Variants in ARHGEF1 observed in about 807,000 individuals in gnomAD.
ARHGEF1 encodes 115 kDa guanine nucleotide exchange factor.
In ARHGEF1, 40 loss-of-function variants were observed where a neutral mutation model predicts 119.7. The ratio of observed to expected loss-of-function variants is 0.33; its 90% CI spans 0.26 to 0.44. ARHGEF1 has a LOEUF of 0.44. Among genes scored for constraint, ARHGEF1 ranks in the 20% least tolerant of loss-of-function variants. ARHGEF1 has a pLI of 1.00. For synonymous variants in ARHGEF1, 494 were observed against 521.0 expected (o/e 0.95, Z 0.71); for missense variants, 976 against 1,268.3 (o/e 0.77, Z 3.50).
chr19:41,922,813 A>G (rs536454119), upstream of ARHGEF1, among the ~76,000 whole-genome samples: 2 of 152,316 alleles, frequency 1.3e-5, no homozygotes, highest in South Asian at 4.1e-4. Context: ...AGAGCAATAA[A>G]TTATTGTGAC....
chr19:41,915,959 G>A (rs1245142166), intron 18 of ARHGEF1, among the ~76,000 whole-genome samples: 7 of 151,976 alleles, frequency 4.6e-5, no homozygotes, highest in African/African-American at 1.7e-4. Context: ...CGGCCGGCGT[G>A]GTGCGGATGG....
Position 41,892,751 on chromosome 19 carries a change from G to A in ARHGEF1, c.516G>A (p.Leu172=), listed in dbSNP as rs1599637506. 3.7e-6 allele frequency: 6 copies of A among 1,609,786 alleles called. No homozygotes were observed. Among genetic ancestry groups the A allele is most frequent in the Non-Finnish European group, 4.2e-6 (5 of 1,178,534 alleles). Residue 172 remains leucine (L), a synonymous_variant, in exon 7 of 29, where the codon CTG becomes CTA. Transcript: ENST00000354532. This position sits in a 1 kb window ranked among gnomAD's most constrained non-coding sequence, Gnocchi z 6.3. ...LMGMTPWEQE[L]AQLEAWVGRD... The stretch of plus-strand genomic sequence containing the variant: ...GCATGACGCCCTGGGAGCAGGAGCT[G>A]GCCCAGCTGGAGGCTTGGGTTGGGC...
chr19:41,906,930 G>A lies in ARHGEF1; in HGVS notation c.*17+127G>A, dbSNP rs1262138242. The A allele has an allele frequency of 5.2e-6, 5 of 954,134 alleles. No individual in the cohort carries two copies. The South Asian group carries it at 7.0e-5, about 13-fold the overall frequency. The allele number at this position is 954,134 out of a possible 1,614,324, so 59.1% of individuals were successfully genotyped here. A position where few individuals can be genotyped will look rare whatever the true frequency, so the allele number is the denominator to read the frequency against. On this transcript the variant is annotated intron_variant, in intron 28 of 28. Coordinates refer to ENST00000354532, the MANE Select transcript of ARHGEF1 (RefSeq NM_004706.4). This position sits in a 1 kb window ranked among gnomAD's most constrained non-coding sequence, Gnocchi z 4.5. ...TTTCTGAATCTCCCCACTCCACCTC[G>A]TGTTTCTCATCTCTGTGTCTCTGTT...
chr19:41,894,878 A>AG (rs1223823866), intron 11 of ARHGEF1, among the ~76,000 whole-genome samples: 4 of 45,468 alleles, frequency 8.8e-5, no homozygotes. Context: ...CCTGGGTCTG[A>AG]GGGAGGAGGG....
Position 41,917,717 on chromosome 19 carries a change from T to C in ARHGEF1, c.1866-5375T>C, listed in dbSNP as rs1452105334. ...CACGTTCAGGCACAATCTGGGGACA[T>C]ATCTCTCCTTACGCCACACGCCCAT... On this transcript the variant is annotated intron_variant, in intron 18 of 20. Transcript: ENST00000599589. This position sits in a 1 kb window ranked among gnomAD's most constrained non-coding sequence, Gnocchi z 4.8. 6.6e-6 allele frequency among the ~76,000 whole-genome samples: 1 copy of C among 151,340 alleles called. No homozygotes were observed. Among genetic ancestry groups the C allele is most frequent in the Non-Finnish European group, 1.5e-5 (1 of 67,872 alleles).
At chr19:41,884,340 G>C (rs1452922230) in intron 1 of ARHGEF1, 6 of 1,378,478 alleles carry the variant, frequency 4.4e-6, no homozygotes, top group Non-Finnish European at 6.0e-6. Context: ...CAGGAGCCGG[G>C]CTAGAGCGGC....
Position 41,902,066 on chromosome 19 carries a change from C to T in ARHGEF1, c.1414+33C>T, listed in dbSNP as rs781966326. ...CAGAGCCAGGGTCCCTCTGTGTACC[C>T]CACTGCCCCACGGGCAGCTCTGCTC... is the stretch of plus-strand genomic sequence containing the variant. On this transcript the variant is annotated intron_variant, in intron 15 of 28. Transcript: ENST00000354532. This position sits in a 1 kb window ranked among gnomAD's most constrained non-coding sequence, Gnocchi z 6.5. 5 of 1,605,342 alleles carry T rather than the reference C, an allele frequency of 3.1e-6. No homozygotes were observed. Among genetic ancestry groups the T allele is most frequent in the Admixed American group, 1.7e-5 (1 of 59,720 alleles).
At chr19:41,924,748 A>G (rs1325197560) in intron 1 of ARHGEF1, among the ~76,000 whole-genome samples, 1 of 152,122 alleles carries the variant, frequency 6.6e-6, no homozygotes, top group African/African-American at 2.4e-5. Flanking sequence ...TGTCTAACAC[A>G]TGCTACAGGT....
chr19:41,925,944 G>C (rs1199326645), intron 1 of ARHGEF1, among the ~76,000 whole-genome samples: 20 of 152,030 alleles, frequency 1.3e-4, no homozygotes, highest in African/African-American at 4.8e-4. Flanking sequence ...TTAGCAGGTT[G>C]CATGTGTGAG....
intron 18 of ARHGEF1, among the ~76,000 whole-genome samples, chr19:41,914,091 T>G (rs1322549936): frequency 1.1e-5 from 1 of 87,450 alleles, no homozygotes; most frequent in African/African-American, 4.6e-5. Context: ...CCCTGGACAC[T>G]GGACAAAACT....
chr19:41,918,673 G>C (rs2074818801), upstream of ARHGEF1, among the ~76,000 whole-genome samples: 1 of 112,834 alleles, frequency 8.9e-6, no homozygotes, highest in Non-Finnish European at 1.8e-5. Flanking sequence ...ACCCATCACA[G>C]ACACACCACA....
Position 41,894,204 on chromosome 19 carries a change from C to T in ARHGEF1, c.645-3C>T, listed in dbSNP as rs530299976. The T allele has an allele frequency of 2.3e-5, 35 of 1,518,488 alleles. 1 individual carries two copies. The South Asian group carries it at 3.8e-4, about 17-fold the overall frequency. The allele number at this position is 1,518,488 out of a possible 1,614,324, so 94.1% of individuals were successfully genotyped here. On this transcript the variant is annotated splice_region_variant and splice_polypyrimidine_tract_variant and intron_variant, in intron 8 of 28. Coordinates refer to ENST00000354532, the MANE Select transcript of ARHGEF1 (RefSeq NM_004706.4). ...TTGAGCCCTCACTGTCCCTTCCCTACAGTGCTGCCGTGGTCAACGCCATTG... is the reference window on the plus strand; with the variant it reads ...TTGAGCCCTCACTGTCCCTTCCCTATAGTGCTGCCGTGGTCAACGCCATTG...
At chr19:41,900,945 C>T (rs1041071144) in intron 14 of ARHGEF1, 1 of 151,930 alleles carries the variant, frequency 6.6e-6, no homozygotes, top group Admixed American at 6.6e-5. Flanking sequence ...TGCCCACCAC[C>T]ACTCCTGGCT....
At chr19:41,886,315 T>C (rs2074293339) in intron 1 of ARHGEF1, among the ~76,000 whole-genome samples, 2 of 152,236 alleles carry the variant, frequency 1.3e-5, no homozygotes, top group African/African-American at 4.8e-5. Context: ...ACTTGGCAAG[T>C]GCACAGTTCC....
In ARHGEF1 at chr19:41,895,479, G is replaced by A. The variant is rs782276908; in HGVS notation, c.1008G>A (p.Arg336=). Reference sequence around the variant, plus strand: ...CTCTGTCCCTGGACAGCCCAGACCGGGAACCAGGTGAGAGTTTCCTGGGCC... The same window carrying A: ...CTCTGTCCCTGGACAGCCCAGACCGAGAACCAGGTGAGAGTTTCCTGGGCC... ...LHPLSLDSPD[R]EPGADAPLEL... Residue 336 remains arginine, a synonymous_variant, in exon 12 of 29, where the codon CGG becomes CGA. Transcript: ENST00000354532. 2 of 1,596,544 alleles carry A rather than the reference G, an allele frequency of 1.3e-6. No individual in the cohort carries two copies. Among genetic ancestry groups the A allele is most frequent in the Middle Eastern group, 1.7e-4 (1 of 5,920 alleles).
upstream of ARHGEF1, among the ~76,000 whole-genome samples, chr19:41,921,719 G>A (rs565092928): frequency 2.6e-5 from 4 of 152,172 alleles, no homozygotes; most frequent in South Asian, 2.1e-4. This position sits in a 1 kb window ranked among gnomAD's most constrained non-coding sequence, Gnocchi z 4.4. Flanking sequence ...AGGCGAGCCC[G>A]GCCCTGGAGG....
intron 14 of ARHGEF1, among the ~76,000 whole-genome samples, chr19:41,899,876 G>A (rs2074571272): frequency 6.6e-6 from 1 of 151,224 alleles, no homozygotes; most frequent in Non-Finnish European, 1.5e-5. Flanking sequence ...TTTTAGGGGA[G>A]TAGTTGAGTA....
chr19:41,896,053 C>T (rs1331819050), intron 12 of ARHGEF1, among the ~76,000 whole-genome samples: 3 of 152,214 alleles, frequency 2.0e-5, no homozygotes, highest in African/African-American at 7.2e-5. Flanking sequence ...GGAGGCAGCA[C>T]AGAATCCAGG....
rs1404579120 is a variant in ARHGEF1 at position 41,914,853 on chromosome 19, C to CT, written c.1865+8050_1865+8051insT. 5.7e-4 allele frequency among the ~76,000 whole-genome samples: 21 copies of CT among 36,772 alleles called. 2 individuals carry two copies. The highest frequency in any genetic ancestry group is 7.6e-4 in the Non-Finnish European group (9 of 11,852). The allele number at this position is 36,772 out of a possible 152,430, so 24.1% of individuals were successfully genotyped here. A position where few individuals can be genotyped will look rare whatever the true frequency, so the allele number is the denominator to read the frequency against. On this transcript the variant is annotated intron_variant, in intron 18 of 20. Transcript: ENST00000599589. ...CCCTTTCCACCGTCTCTGTCTCTCC[C>CT]CCCCTCCACCATCTCTGTCTCTCCC...
Sources: gnomAD v4.1 joint callset for allele counts (sites outside exome capture counted in the v4.1 genomes callset) on GRCh38, gnomAD v4.1.1 for gene constraint, Gnocchi (gnomAD v3.1) non-coding constraint, MANE v1.5 for transcripts, NCBI Gene and HGNC (gene_info 2026-07-23, HGNC 2026-07-21) for gene names.